Variants in EEPD1 observed in about 807,000 individuals in gnomAD.
The protein encoded by EEPD1 is endonuclease/exonuclease/phosphatase family domain-containing protein 1.
Under a neutral mutation model 46.3 loss-of-function variants are expected in EEPD1, and 17 were observed. The ratio of observed to expected loss-of-function variants is 0.37; its 90% CI spans 0.25 to 0.55. The LOEUF is 0.55. EEPD1 is among the 20% of genes least tolerant of loss of function. The pLI, the probability that EEPD1 is intolerant of heterozygous loss-of-function variation, is 0.83. For synonymous variants in EEPD1, 313 were observed against 315.6 expected (o/e 0.99, Z 0.09); for missense variants, 673 against 745.6 (o/e 0.90, Z 1.13).
In EEPD1 at chr7:36,299,054, G is replaced by T. The variant is rs754598046; in HGVS notation, c.1558G>T (p.Asp520Tyr). ...REGLTNPWIP[D>Y]NWSWGGVASE... ...AGGCCTCACGAACCCTTGGATTCCG[G>T]ATAACTGGTCTTGGGGCGGGGTGGC... The change falls in exon 8 of 8, where the codon GAT becomes TAT. Residue 520 changes from aspartate to tyrosine, a missense_variant. Transcript: ENST00000242108. 3.7e-6 allele frequency: 6 copies of T among 1,614,184 alleles called. No individual in the cohort carries two copies. Among genetic ancestry groups the T allele is most frequent in the South Asian group, 1.1e-5 (1 of 91,080 alleles).
intron 6 of EEPD1, among the ~76,000 whole-genome samples, chr7:36,288,301 C>A (rs1391239417): frequency 6.6e-6 from 1 of 152,138 alleles, no homozygotes; most frequent in African/African-American, 2.4e-5. Context: ...CTCAGGCAAG[C>A]CACCAAACCA....
At chr7:36,252,522 C>T (rs988490379) in intron 3 of EEPD1, among the ~76,000 whole-genome samples, 15 of 152,264 alleles carry the variant, frequency 9.9e-5, no homozygotes, top group African/African-American at 3.4e-4. Context: ...TTGAGATGCC[C>T]TCTTTTTTCT....
At chr7:36,166,087 G>A (rs1199926182) in intron 2 of EEPD1, among the ~76,000 whole-genome samples, 1 of 152,184 alleles carries the variant, frequency 6.6e-6, no homozygotes, top group Admixed American at 6.5e-5. Context: ...TTTAAAAATG[G>A]GCTGAATTGA....
At chr7:36,293,202 T>C (rs1036250806) in intron 6 of EEPD1, among the ~76,000 whole-genome samples, 1 of 152,084 alleles carries the variant, frequency 6.6e-6, no homozygotes, top group Non-Finnish European at 1.5e-5. Flanking sequence ...GGTGGTAAAG[T>C]GAAGAAAATA....
At chr7:36,256,469 G>A (rs954976420) in intron 3 of EEPD1, among the ~76,000 whole-genome samples, 1 of 152,130 alleles carries the variant, frequency 6.6e-6, no homozygotes, top group Non-Finnish European at 1.5e-5. Context: ...TCTCTTTATA[G>A]GTCTCTAAGA....
chr7:36,174,418 G>A (rs574576209), intron 2 of EEPD1, among the ~76,000 whole-genome samples: 1 of 152,272 alleles, frequency 6.6e-6, no homozygotes, highest in South Asian at 2.1e-4. Context: ...GGTAAAAGAG[G>A]TGCTGCTCTG....
At chr7:36,181,665 T>C (rs190628398) in intron 2 of EEPD1, among the ~76,000 whole-genome samples, 199 of 152,292 alleles carry the variant, frequency 1.3e-3, no homozygotes, top group African/African-American at 4.6e-3. Flanking sequence ...TAAAGAAATA[T>C]GGCAACATTA....
rs1238331339 is a variant in EEPD1 at position 36,287,783 on chromosome 7, A to C, written c.1315+6A>C. 1 of 1,613,296 alleles carries C rather than the reference A, an allele frequency of 6.2e-7. No individual in the cohort carries two copies. The highest frequency in any genetic ancestry group is 8.5e-7 in the Non-Finnish European group (1 of 1,179,566). On this transcript the variant is annotated splice_donor_region_variant and intron_variant, in intron 6 of 7. Transcript: ENST00000242108. ...CCTACAGGAAACCCTGAAAGGTAGG[A>C]CATTGTCTTTTGCTGTGACTCGGCC...
intron 2 of EEPD1, among the ~76,000 whole-genome samples, chr7:36,188,184 T>C (rs530518818): frequency 2.6e-4 from 40 of 152,140 alleles, no homozygotes; most frequent in South Asian, 8.3e-4. Context: ...GGTTGGTCTA[T>C]GAGTCTCTTT....
At chr7:36,291,053 A>G (rs535998541) in intron 6 of EEPD1, among the ~76,000 whole-genome samples, 1 of 152,340 alleles carries the variant, frequency 6.6e-6, no homozygotes, top group East Asian at 1.9e-4. Flanking sequence ...GAAGCTACAC[A>G]GAGCTGGCTC....
chr7:36,266,917 C>T (rs77776414), intron 3 of EEPD1, among the ~76,000 whole-genome samples: 4,482 of 152,248 alleles, frequency 0.029, 221 homozygotes, highest in African/African-American at 0.1. Flanking sequence ...TGCTTTTTCA[C>T]GGCTGAGTAA....
At chr7:36,215,204 G>A (rs1033476566) in intron 2 of EEPD1, among the ~76,000 whole-genome samples, 10 of 152,142 alleles carry the variant, frequency 6.6e-5, no homozygotes, top group African/African-American at 1.9e-4. Flanking sequence ...GAGCCCACCC[G>A]CTGCTGCCCT....
chr7:36,191,321 A>C (rs1785457060), intron 2 of EEPD1, among the ~76,000 whole-genome samples: 1 of 152,232 alleles, frequency 6.6e-6, no homozygotes, highest in South Asian at 2.1e-4. Flanking sequence ...AGAACTGAAA[A>C]TTAGGCTGAA....
chr7:36,289,940 T>C, intron 6 of EEPD1, among the ~76,000 whole-genome samples: 1 of 152,242 alleles, frequency 6.6e-6, no homozygotes, highest in East Asian at 1.9e-4. Flanking sequence ...AAGATTGATG[T>C]GCAGCAGCTT....
chr7:36,189,729 C>A (rs760653751), intron 2 of EEPD1, among the ~76,000 whole-genome samples: 1 of 152,232 alleles, frequency 6.6e-6, no homozygotes, highest in Non-Finnish European at 1.5e-5. Context: ...GGGTATTTAA[C>A]ACCGTGGTAA....
chr7:36,185,216 C>T (rs767757445), intron 2 of EEPD1, among the ~76,000 whole-genome samples: 1 of 152,214 alleles, frequency 6.6e-6, no homozygotes, highest in Non-Finnish European at 1.5e-5. Context: ...ACAGAGGCAT[C>T]GTTGCACTTC....
chr7:36,294,916 G>A (rs1461506422), intron 6 of EEPD1, among the ~76,000 whole-genome samples: 1 of 152,092 alleles, frequency 6.6e-6, no homozygotes, highest in Non-Finnish European at 1.5e-5. Context: ...GGTGGCTCAC[G>A]CCTATAATCC....
chr7:36,211,925 C>CA (rs34244121), intron 2 of EEPD1, among the ~76,000 whole-genome samples: 700 of 106,884 alleles, frequency 6.5e-3, no homozygotes, highest in African/African-American at 9.4e-3. Flanking sequence ...GACTCCATCT[C>CA]AAAAAAAAAA....
intron 2 of EEPD1, among the ~76,000 whole-genome samples, chr7:36,191,773 C>T (rs558914156): frequency 1.8e-4 from 27 of 152,330 alleles, no homozygotes; most frequent in African/African-American, 6.0e-4. Context: ...ACCATTCCAG[C>T]GGGCAGCACT....
Sources: gnomAD v4.1 joint callset for allele counts (sites outside exome capture counted in the v4.1 genomes callset) on GRCh38, gnomAD v4.1.1 for gene constraint, MANE v1.5 for transcripts, NCBI Gene and HGNC (gene_info 2026-07-23, HGNC 2026-07-21) for gene names.